The following THBS1 variants were observed in gnomAD, a reference collection of about 807,000 sequenced individuals.
The protein encoded by THBS1 is thrombospondin-1.
A neutral mutation model predicts 126.1 loss-of-function variants in THBS1; 29 were observed. The ratio of observed to expected loss-of-function variants is 0.23; its 90% CI spans 0.17 to 0.31. THBS1 has a LOEUF of 0.31. Among genes scored for constraint, THBS1 ranks in the 10% least tolerant of loss-of-function variants. THBS1 has a pLI of 1.00. For missense variants in THBS1, 1,198 were observed against 1,545.2 expected (o/e 0.78, Z 3.77); for synonymous variants, 496 against 577.8 (o/e 0.86, Z 2.03).
chr15:39,587,644 T>C (rs1890234533), intron 8 of THBS1, 124 bp downstream of exon 8: 1 of 1,005,484 alleles, frequency 9.9e-7, no homozygotes, highest in African/African-American at 1.6e-5. Flanking sequence ...CCAATCCCAC[T>C]GCTTAGCTGT....
intron 7 of THBS1, among the ~76,000 whole-genome samples, chr15:39,586,253 C>T (rs959082232): frequency 7.2e-5 from 11 of 152,178 alleles, no homozygotes; most frequent in African/African-American, 2.7e-4. Flanking sequence ...CACAAACACA[C>T]CCTTGTCACA....
At chr15:39,590,713 C>A in intron 14 of THBS1, 90 bp downstream of exon 14, 1 of 951,648 alleles carries the variant, frequency 1.1e-6, no homozygotes, top group Non-Finnish European at 1.7e-6. Context: ...ATGGCTATAG[C>A]AAAAAATATA....
At position 39,594,524 on chromosome 15, in the gene THBS1, T is replaced by C. The variant is rs1890395065; in HGVS notation, c.3505+84T>C. ...GGATGACGGTTATGGGGGAGTCCAG[T>C]GTAAAGACTGTTTTGGAGACAGGGT... is the stretch of plus-strand genomic sequence containing the variant. On this transcript the variant is annotated intron_variant, in intron 21 of 21. Coordinates refer to ENST00000260356, the MANE Select transcript of THBS1 (RefSeq NM_003246.4). The surrounding 1 kb of genome is among the most constrained non-coding windows in gnomAD (Gnocchi z 4.4). The C allele has an allele frequency of 6.5e-7, 1 of 1,527,890 alleles. No homozygotes were observed. The highest frequency in any genetic ancestry group is 8.8e-7 in the Non-Finnish European group (1 of 1,138,098). The allele number at this position is 1,527,890 out of a possible 1,614,324, so 94.6% of individuals were successfully genotyped here. A position where few individuals can be genotyped will look rare whatever the true frequency, so the allele number is the denominator to read the frequency against.
At chr15:39,584,258 T>C in intron 5 of THBS1, 42 bp from the exon 6 acceptor site, 2 of 1,614,170 alleles carry the variant, frequency 1.2e-6, no homozygotes, top group African/African-American at 1.3e-5. Flanking sequence ...CCCAAATGAC[T>C]GAAAATGCGG....
At chr15:39,584,245 G>A (rs1240818324) in intron 5 of THBS1, 55 bp from the exon 6 acceptor site, 7 of 1,614,006 alleles carry the variant, frequency 4.3e-6, no homozygotes, top group African/African-American at 1.3e-5. Flanking sequence ...TATCGCAGAT[G>A]GTCCCAAATG....
At position 39,584,190 on chromosome 15, in the gene THBS1, C is replaced by T; in HGVS notation, c.903+3C>T. The T allele has an allele frequency of 3.1e-6, 5 of 1,613,984 alleles. No individual in the cohort carries two copies. The highest frequency in any genetic ancestry group is 4.2e-6 in the Non-Finnish European group (5 of 1,179,918). On this transcript the variant is annotated splice_donor_region_variant and intron_variant, in intron 5 of 21. Coordinates refer to ENST00000260356, the MANE Select transcript of THBS1 (RefSeq NM_003246.4). ...TGCAGGACAGCATCCGCAAAGTGGT[C>T]AGTGGCCTCTGCACCCAGCCCGTTA...
chr15:39,589,992 G>A lies in THBS1; in HGVS notation c.2114G>A (p.Cys705Tyr). ...GGCTGGCCCAATGAGAACCTGGTGTGCGTGGCCAATGCGACTTACCACTGC... is the reference window on the plus strand; with the variant it reads ...GGCTGGCCCAATGAGAACCTGGTGTACGTGGCCAATGCGACTTACCACTGC... ...LDGWPNENLVCVANATYHCKK... is the reference protein window; with the variant it reads ...LDGWPNENLVYVANATYHCKK... The change falls in exon 13 of 22, where the codon TGC becomes TAC. Residue 705 changes from cysteine (C) to tyrosine (Y), a missense_variant. Cys to Tyr is a radical substitution (Grantham distance 194). Transcript: ENST00000260356. The surrounding 1 kb of genome is among the most constrained non-coding windows in gnomAD (Gnocchi z 4.7). The A allele has an allele frequency of 6.2e-7, 1 of 1,611,804 alleles. No homozygotes were observed. The highest frequency in any genetic ancestry group is 8.5e-7 in the Non-Finnish European group (1 of 1,178,872).
In THBS1 at chr15:39,582,228, G is replaced by C. The variant is rs1315110388; in HGVS notation, c.103G>C (p.Glu35Gln). ...AGACAACAGCGTGTTTGACATCTTT[G>C]AACTCACCGGGGCCGCCCGCAAGGG... ...GGDNSVFDIF[E>Q]LTGAARKGSG... Residue 35 changes from glutamate to glutamine, a missense_variant, in exon 3 of 22, where the codon GAA becomes CAA. Physicochemically the swap from Glu to Gln is conservative, Grantham distance 29 (BLOSUM62 2). This residue lies in a region of THBS1 where 271 missense variants were observed against 277.0 expected (regional missense o/e 0.98). Coordinates refer to ENST00000260356, the MANE Select transcript of THBS1 (RefSeq NM_003246.4). 1 of 1,612,224 alleles carries C rather than the reference G, an allele frequency of 6.2e-7. No individual in the cohort carries two copies. Among genetic ancestry groups the C allele is most frequent in the Non-Finnish European group, 8.5e-7 (1 of 1,179,224 alleles).
In THBS1 at chr15:39,599,097, G is replaced by C. The variant is rs1890551234; in HGVS notation, c.*3728G>C. ...CCCGCCACCAAGCCTGGCTAATTCT[G>C]TATTTTTAGTAAAGACGGGGTTTCA... On this transcript the variant is annotated 3_prime_UTR_variant, in exon 22 of 22. Transcript: ENST00000260356. 1 of 152,066 alleles carries C rather than the reference G, an allele frequency of 6.6e-6. No individual in the cohort carries two copies. Among genetic ancestry groups the C allele is most frequent in the Non-Finnish European group, 1.5e-5 (1 of 68,014 alleles). 9.4% of individuals were successfully genotyped at this position (152,066 alleles called of 1,614,324 possible).
chr15:39,582,047 T>C, intron 2 of THBS1, 123 bp downstream of exon 2: 1 of 1,333,044 alleles, frequency 7.5e-7, no homozygotes, highest in Non-Finnish European at 1.1e-6. Context: ...GGACGCAGCT[T>C]CACTCTGATC....
Position 39,598,277 on chromosome 15 carries a change from C to G in THBS1, c.*2908C>G, listed in dbSNP as rs1890524009. Reference sequence around the variant, plus strand: ...ACTGGCTGGGTGAGATAAAATCTTCCTTGTTGATTTTCACTCTCATTCTAT... The same window carrying G: ...ACTGGCTGGGTGAGATAAAATCTTCGTTGTTGATTTTCACTCTCATTCTAT... On this transcript the variant is annotated 3_prime_UTR_variant, in exon 22 of 22. Coordinates refer to ENST00000260356, the MANE Select transcript of THBS1 (RefSeq NM_003246.4). 6.6e-6 allele frequency: 1 copy of G among 152,122 alleles called. No homozygotes were observed. The highest frequency in any genetic ancestry group is 1.5e-5 in the Non-Finnish European group (1 of 68,004). The allele number at this position is 152,122 out of a possible 1,614,324, so 9.4% of individuals were successfully genotyped here. A position where few individuals can be genotyped will look rare whatever the true frequency, so the allele number is the denominator to read the frequency against.
At chr15:39,583,754 CTG>C (rs113744933) in intron 4 of THBS1, 62 bp downstream of exon 4, 5 of 1,543,212 alleles carry the variant, frequency 3.2e-6, no homozygotes, top group African/African-American at 2.7e-5. Context: ...CAAAAACAAA[CTG>C]AGGAATTTAG....
intron 14 of THBS1, 112 bp from the exon 15 acceptor site, chr15:39,591,079 G>A (rs1024049343): frequency 4.9e-6 from 6 of 1,220,452 alleles, no homozygotes; most frequent in Middle Eastern, 2.0e-4. Context: ...CTATCCACTA[G>A]GTAGAAAGTA....
At position 39,591,621 on chromosome 15, in the gene THBS1, C is replaced by A. The variant is rs1248094693; in HGVS notation, c.2530C>A (p.Gln844Lys). 1.9e-6 allele frequency: 3 copies of A among 1,613,482 alleles called. No homozygotes were observed. The highest frequency in any genetic ancestry group is 2.5e-6 in the Non-Finnish European group (3 of 1,179,380). ...TTGCCCCTTGGAACACAATCCGGAT[C>A]AGGTAGGTGGATGGACTCCTTTCAG... ...DNCPLEHNPD[Q>K]LDSDSDRIGD... The change falls in exon 16 of 22, where the codon CAG becomes AAG. Residue 844 changes from glutamine to lysine, a missense_variant and splice_region_variant. Gln to Lys is a moderately conservative substitution (Grantham distance 53). This residue lies in a region of THBS1 where 663 missense variants were observed against 860.1 expected (regional missense o/e 0.77). Coordinates refer to ENST00000260356, the MANE Select transcript of THBS1 (RefSeq NM_003246.4).
chr15:39,587,290 TA>T, intron 7 of THBS1, 56 bp from the exon 8 acceptor site: 1 of 1,556,246 alleles, frequency 6.4e-7, no homozygotes, highest in Non-Finnish European at 8.7e-7. Flanking sequence ...CAGAGCCCTC[TA>T]AAGAACAGCT....
intron 14 of THBS1, 104 bp from the exon 15 acceptor site, chr15:39,591,087 G>A: frequency 7.7e-7 from 1 of 1,300,746 alleles, no homozygotes; most frequent in Non-Finnish European, 1.1e-6. Context: ...TAGGTAGAAA[G>A]TATTGCTGAT....
intron 6 of THBS1, among the ~76,000 whole-genome samples, chr15:39,584,904 A>T (rs1168911656): frequency 6.6e-6 from 1 of 152,234 alleles, no homozygotes; most frequent in Non-Finnish European, 1.5e-5. Context: ...GCATCCCCGC[A>T]TGCCAGTGGC....
chr15:39,590,529 A>G lies in THBS1; in HGVS notation c.2159A>G (p.Asn720Ser), dbSNP rs758259827. The G allele has an allele frequency of 3.7e-6, 6 of 1,613,390 alleles. No homozygotes were observed. The East Asian group carries it at 1.1e-4, about 30-fold the overall frequency. The change falls in exon 14 of 22, where the codon AAC (asparagine) becomes AGC (serine). Residue 720 changes from asparagine to serine, a missense_variant. Physicochemically the swap from Asn to Ser is conservative, Grantham distance 46. Transcript: ENST00000260356. ...TYHCKKDNCP[N>S]LPNSGQEDYD... ...TCTCTTTCCTAGGATAATTGCCCCA[A>G]CCTTCCCAACTCAGGGCAGGAAGAC...
rs1890280133 is a variant in THBS1, at chr15:39,589,299, T to C, written c.1871T>C (p.Phe624Ser). Residue 624 changes from phenylalanine to serine, a missense_variant, in exon 12 of 22, where the codon TTC becomes TCC. Physicochemically the swap from Phe to Ser is radical, Grantham distance 155. Around this residue, in one of 4 missense-constraint regions of THBS1, gnomAD observed 663 missense variants for 860.1 expected, o/e 0.77. Coordinates refer to ENST00000260356, the MANE Select transcript of THBS1 (RefSeq NM_003246.4). The surrounding 1 kb of genome is among the most constrained non-coding windows in gnomAD (Gnocchi z 4.7). ...GYNCLPCPPR[F>S]TGSQPFGQGV... ...AACTGCCTGCCCTGCCCCCCACGCTTCACCGGCTCACAGCCCTTCGGCCAG... is the reference window on the plus strand; with the variant it reads ...AACTGCCTGCCCTGCCCCCCACGCTCCACCGGCTCACAGCCCTTCGGCCAG... 6.2e-7 allele frequency: 1 copy of C among 1,613,942 alleles called. No individual in the cohort carries two copies. The highest frequency in any genetic ancestry group is 8.5e-7 in the Non-Finnish European group (1 of 1,180,032).
Sources: gnomAD v4.1 joint callset for allele counts (sites outside exome capture counted in the v4.1 genomes callset) on GRCh38, gnomAD v4.1.1 for gene constraint, gnomAD v4.1.1 regional missense constraint, Gnocchi (gnomAD v3.1) non-coding constraint, MANE v1.5 for transcripts, NCBI Gene and HGNC (gene_info 2026-07-23, HGNC 2026-07-21) for gene names.